Variants in RUNX1T1 observed in about 807,000 individuals in gnomAD.
RUNX1T1 encodes protein CBFA2T1.
Under a neutral mutation model 62.8 loss-of-function variants are expected in RUNX1T1, and 4 were observed. That is an observed-to-expected ratio of 0.06 (90% CI 0.03 to 0.15). The LOEUF (loss-of-function observed/expected upper bound fraction) is 0.15, where lower values mean the gene tolerates loss of function less well. Ranked by LOEUF, RUNX1T1 falls within the 10% of genes least tolerant of loss-of-function variation. The pLI is 1.00. For missense variants in RUNX1T1, 508 were observed against 754.3 expected (o/e 0.67, Z 3.82); for synonymous variants, 291 against 286.0 (o/e 1.02, Z -0.18).
At chr8:92,091,407 C>CAGGTCTTA (rs1204690237) in intron 1 of RUNX1T1, among the ~76,000 whole-genome samples, 2 of 152,138 alleles carry the variant, frequency 1.3e-5, no homozygotes, top group African/African-American at 4.8e-5. Context: ...TTCAAACAAG[C>CAGGTCTTA]AGGTCTTACA....
At chr8:92,065,933 C>T (rs1357287628), upstream of RUNX1T1, among the ~76,000 whole-genome samples, 1 of 152,214 alleles carries the variant, frequency 6.6e-6, no homozygotes, top group Non-Finnish European at 1.5e-5. Flanking sequence ...ATACACCCAA[C>T]CAAATACTTT....
exon 3 of RUNX1T1, chr8:92,014,604 A>T (rs1307996049): frequency 6.2e-7 from 1 of 1,610,398 alleles, no homozygotes; most frequent in Non-Finnish European, 8.5e-7. Context: ...GAGGGTGCGA[A>T]CTCTTTCTCC....
chr8:92,092,012 A>G (rs1837100111), intron 1 of RUNX1T1, among the ~76,000 whole-genome samples: 1 of 152,188 alleles, frequency 6.6e-6, no homozygotes, highest in Admixed American at 6.5e-5. Context: ...GTGAAGCCAC[A>G]AACTCAGCTA....
chr8:92,059,133 T>A (rs1831499852), intron 1 of RUNX1T1, among the ~76,000 whole-genome samples: 1 of 152,216 alleles, frequency 6.6e-6, no homozygotes, highest in African/African-American at 2.4e-5. Context: ...TAATGCTGCA[T>A]AATCTACATT....
At chr8:92,051,552 GCTCT>G (rs750578913) in intron 1 of RUNX1T1, among the ~76,000 whole-genome samples, 14 of 151,002 alleles carry the variant, frequency 9.3e-5, no homozygotes, top group South Asian at 6.3e-4. Flanking sequence ...TCTTGCACAT[GCTCT>G]CTCTCTCTCA....
At chr8:92,085,423 G>A (rs1563928679) in intron 1 of RUNX1T1, among the ~76,000 whole-genome samples, 1 of 152,150 alleles carries the variant, frequency 6.6e-6, no homozygotes. Flanking sequence ...TACAAACACA[G>A]CATTCTACAG....
chr8:92,076,041 G>T, exon 2 of RUNX1T1: 1 of 1,609,644 alleles, frequency 6.2e-7, no homozygotes, highest in Non-Finnish European at 8.5e-7. Context: ...TGTTTCTTTT[G>T]ACAGATATCA....
At chr8:91,969,974 TTG>T (rs1161497837) in intron 10 of RUNX1T1, among the ~76,000 whole-genome samples, 2 of 151,952 alleles carry the variant, frequency 1.3e-5, no homozygotes, top group African/African-American at 2.4e-5. Context: ...TTGTTAGATA[TTG>T]TGTTTTAGTT....
At chr8:92,003,961 T>A (rs1179603419) in intron 5 of RUNX1T1, among the ~76,000 whole-genome samples, 1 of 152,248 alleles carries the variant, frequency 6.6e-6, no homozygotes, top group Non-Finnish European at 1.5e-5. Context: ...TAAGAGGTTC[T>A]ATGTCAAGGG....
intron 8 of RUNX1T1, 119 bp from the exon 10 acceptor site, chr8:91,976,092 A>C (rs4481660): frequency 1.5e-6 from 1 of 679,016 alleles, no homozygotes; most frequent in Non-Finnish European, 2.6e-6. Flanking sequence ...CAAAAACGCA[A>C]TTTTAAAAGG....
intron 10 of RUNX1T1, among the ~76,000 whole-genome samples, chr8:91,968,692 AT>A (rs1467379175): frequency 6.6e-6 from 1 of 152,164 alleles, no homozygotes; most frequent in Non-Finnish European, 1.5e-5. Context: ...TATCTTAATG[AT>A]CCCTATGAAA....
intron 8 of RUNX1T1, among the ~76,000 whole-genome samples, chr8:91,980,847 T>C (rs1429780376): frequency 6.6e-6 from 1 of 151,916 alleles, no homozygotes. Context: ...AATTTTTTGA[T>C]TTTTGGTAGA....
At chr8:92,076,078 CCT>C in exon 2 of RUNX1T1, 1 of 1,605,702 alleles carries the variant, frequency 6.2e-7, no homozygotes, top group Non-Finnish European at 8.5e-7. Flanking sequence ...CTGCTAATTT[CCT>C]CTCTCCTTTT....
intron 1 of RUNX1T1, among the ~76,000 whole-genome samples, chr8:92,051,012 C>T (rs920610884): frequency 6.6e-6 from 1 of 152,168 alleles, no homozygotes; most frequent in African/African-American, 2.4e-5. Context: ...AGGTGTCTTC[C>T]TTGACAATCT....
At chr8:92,102,006 C>A (rs1838059614), upstream of RUNX1T1, among the ~76,000 whole-genome samples, 1 of 152,216 alleles carries the variant, frequency 6.6e-6, no homozygotes, top group African/African-American at 2.4e-5. The surrounding 1 kb of genome is among the most constrained non-coding windows in gnomAD (Gnocchi z 4.5). Context: ...AAGTCTGGAC[C>A]CCTTCGGGCG....
intron 1 of RUNX1T1, among the ~76,000 whole-genome samples, chr8:92,020,194 T>A (rs1333788311): frequency 1.3e-5 from 2 of 152,188 alleles, no homozygotes; most frequent in African/African-American, 4.8e-5. Context: ...CACATACACA[T>A]GAACACTCTC....
intron 1 of RUNX1T1, among the ~76,000 whole-genome samples, chr8:92,048,663 T>C (rs946241693): frequency 2.6e-5 from 4 of 152,042 alleles, no homozygotes; most frequent in African/African-American, 9.7e-5. Context: ...GAGGGTGAGA[T>C]GATGGTCATT....
chr8:92,083,623 A>C (rs1835631557), intron 1 of RUNX1T1, among the ~76,000 whole-genome samples: 1 of 152,196 alleles, frequency 6.6e-6, no homozygotes, highest in African/African-American at 2.4e-5. Flanking sequence ...GGATGTGGAG[A>C]AACAGGAATA....
At chr8:92,076,051 A>G in exon 2 of RUNX1T1, 1 of 1,610,052 alleles carries the variant, frequency 6.2e-7, no homozygotes, top group Non-Finnish European at 8.5e-7. Flanking sequence ...GACAGATATC[A>G]TTCTCCACCA....
Sources: gnomAD v4.1 joint callset for allele counts (sites outside exome capture counted in the v4.1 genomes callset) on GRCh38, gnomAD v4.1.1 for gene constraint, Gnocchi (gnomAD v3.1) non-coding constraint, MANE v1.5 for transcripts, NCBI Gene and HGNC (gene_info 2026-07-23, HGNC 2026-07-21) for gene names.